The following SLC44A5 variants were observed in gnomAD, a reference collection of about 807,000 sequenced individuals.
SLC44A5 encodes choline transporter-like protein 5.
SLC44A5 carries 57 observed loss-of-function variants against 101.8 expected under a neutral mutation model. The ratio of observed to expected loss-of-function variants is 0.56; its 90% CI spans 0.45 to 0.70. SLC44A5 has a LOEUF of 0.70. Ranked by LOEUF, SLC44A5 falls within the 30% of genes least tolerant of loss-of-function variation. SLC44A5 has a pLI of 0.00. For synonymous variants in SLC44A5, 281 were observed against 290.9 expected (o/e 0.97, Z 0.35); for missense variants, 737 against 853.1 (o/e 0.86, Z 1.70).
intron 4 of SLC44A5, among the ~76,000 whole-genome samples, chr1:75,332,948 G>A (rs1206488991): frequency 6.6e-6 from 1 of 152,062 alleles, no homozygotes; most frequent in Non-Finnish European, 1.5e-5. Context: ...TCTCATATTT[G>A]CTTCTTGTTG....
At chr1:75,491,488 G>A (rs1310992044) in intron 2 of SLC44A5, among the ~76,000 whole-genome samples, 4 of 152,136 alleles carry the variant, frequency 2.6e-5, no homozygotes, top group Admixed American at 2.6e-4. Context: ...TGAATACACA[G>A]AAGAAGGGGA....
chr1:75,297,863 T>A (rs535318532), intron 5 of SLC44A5, among the ~76,000 whole-genome samples: 2 of 152,316 alleles, frequency 1.3e-5, no homozygotes, highest in East Asian at 3.9e-4. Context: ...GTTAAGTGTC[T>A]CTGTTGCACT....
the SLC44A5 span, among the ~76,000 whole-genome samples, chr1:75,616,967 A>T: frequency 6.6e-6 from 1 of 152,112 alleles, no homozygotes; most frequent in African/African-American, 2.4e-5. Context: ...TTTGCTTTGG[A>T]AAGTTCTCAT....
At chr1:75,639,897 G>A in the SLC44A5 span, among the ~76,000 whole-genome samples, 1 of 151,964 alleles carries the variant, frequency 6.6e-6, no homozygotes, top group African/African-American at 2.4e-5. Context: ...CCTTGGGGTT[G>A]AGGAATTGCC....
intron 1 of SLC44A5, among the ~76,000 whole-genome samples, chr1:75,578,455 A>T (rs1359378163): frequency 3.3e-5 from 5 of 152,238 alleles, no homozygotes; most frequent in Non-Finnish European, 7.3e-5. Flanking sequence ...GACATAAAAT[A>T]GAATACTATT....
At chr1:75,680,823 G>A in the SLC44A5 span, among the ~76,000 whole-genome samples, 6 of 140,196 alleles carry the variant, frequency 4.3e-5, no homozygotes, top group Non-Finnish European at 8.2e-5. Context: ...GAATCCAGGA[G>A]CTGGTTTTTT....
At chr1:75,421,098 T>C (rs1317600106) in intron 2 of SLC44A5, among the ~76,000 whole-genome samples, 1 of 152,168 alleles carries the variant, frequency 6.6e-6, no homozygotes, top group African/African-American at 2.4e-5. Flanking sequence ...TATTATAATA[T>C]GGTCCACTTC....
chr1:75,444,411 GAA>G (rs1339494656), intron 2 of SLC44A5, among the ~76,000 whole-genome samples: 5 of 141,566 alleles, frequency 3.5e-5, no homozygotes, highest in African/African-American at 5.2e-5. Flanking sequence ...GAGAGAAAGA[GAA>G]AGAGAGAGAG....
the SLC44A5 span, among the ~76,000 whole-genome samples, chr1:75,665,158 C>A: frequency 6.6e-6 from 1 of 151,884 alleles, no homozygotes; most frequent in Non-Finnish European, 1.5e-5. Flanking sequence ...ATAGTCAAAG[C>A]AATCTTAAGA....
chr1:75,300,755 A>T, intron 4 of SLC44A5, 70 bp from the exon 5 acceptor site: 1 of 981,944 alleles, frequency 1.0e-6, no homozygotes, highest in African/African-American at 1.7e-5. Context: ...GCACAAAATG[A>T]AGGAAGAGAG....
At chr1:75,481,813 T>C (rs1476305879) in intron 2 of SLC44A5, among the ~76,000 whole-genome samples, 1 of 152,212 alleles carries the variant, frequency 6.6e-6, no homozygotes, top group Non-Finnish European at 1.5e-5. Flanking sequence ...GGTGGGAGTG[T>C]AAACTAGTTC....
chr1:75,273,630 T>G (rs1400920439), intron 6 of SLC44A5, among the ~76,000 whole-genome samples: 1 of 152,150 alleles, frequency 6.6e-6, no homozygotes, highest in Non-Finnish European at 1.5e-5. Context: ...TCTATTGAGA[T>G]TGATCACACA....
the SLC44A5 span, among the ~76,000 whole-genome samples, chr1:75,711,911 C>T: frequency 1.3e-5 from 2 of 152,210 alleles, no homozygotes; most frequent in East Asian, 1.9e-4. Flanking sequence ...ATTAATATTG[C>T]TGTTTGGTCT....
chr1:75,530,378 A>G (rs1337290547), intron 2 of SLC44A5, among the ~76,000 whole-genome samples: 1 of 152,188 alleles, frequency 6.6e-6, no homozygotes. Context: ...ACTATTGGTA[A>G]TTTATTAGTA....
intron 2 of SLC44A5, among the ~76,000 whole-genome samples, chr1:75,479,414 A>C (rs998132436): frequency 6.6e-6 from 1 of 152,206 alleles, no homozygotes; most frequent in Non-Finnish European, 1.5e-5. Context: ...AGCAGAACTG[A>C]AGGAAATAGA....
chr1:75,202,400 G>C lies in SLC44A5; in HGVS notation c.*1327C>G, dbSNP rs951739681. ...AACTTACTGATGATTGATTCTCAAA[G>C]CTTTCACAAATTATCATTATATGAT... On this transcript the variant is annotated 3_prime_UTR_variant, in exon 24 of 24. Transcript: ENST00000370859. The C allele has an allele frequency of 6.6e-6, 1 of 152,074 alleles. No homozygotes were observed. The highest frequency in any genetic ancestry group is 1.5e-5 in the Non-Finnish European group (1 of 67,982). The allele number at this position is 152,074 out of a possible 1,614,324, so 9.4% of individuals were successfully genotyped here. A position where few individuals can be genotyped will look rare whatever the true frequency, so the allele number is the denominator to read the frequency against.
intron 3 of SLC44A5, among the ~76,000 whole-genome samples, chr1:75,361,465 A>C (rs1237247951): frequency 6.6e-6 from 1 of 152,050 alleles, no homozygotes; most frequent in Non-Finnish European, 1.5e-5. Context: ...AAACTTTCAC[A>C]GTATGTTAGC....
At chr1:75,236,251 T>C (rs1648067674) in intron 11 of SLC44A5, among the ~76,000 whole-genome samples, 1 of 151,922 alleles carries the variant, frequency 6.6e-6, no homozygotes. Flanking sequence ...GCCTTAGAAG[T>C]AACTGAAAAA....
At chr1:75,226,689 C>A (rs775516725) in intron 13 of SLC44A5, among the ~76,000 whole-genome samples, 1 of 151,810 alleles carries the variant, frequency 6.6e-6, no homozygotes, top group Non-Finnish European at 1.5e-5. Context: ...TTGAATGTGT[C>A]TTGTCTGGCT....
Sources: allele counts gnomAD v4.1 joint callset (sites outside exome capture counted in the v4.1 genomes callset), GRCh38; gene constraint gnomAD v4.1.1; transcripts MANE v1.5; gene names NCBI Gene and HGNC (gene_info 2026-07-23, HGNC 2026-07-21).